MYO5B: variants seen among roughly 807,000 people sequenced by gnomAD.
The protein encoded by MYO5B is myosin VB.
In MYO5B, 143 loss-of-function variants were observed where a neutral mutation model predicts 229.3. The ratio of observed to expected loss-of-function variants is 0.62; its 90% CI spans 0.54 to 0.72. The LOEUF (loss-of-function observed/expected upper bound fraction) is 0.72. MYO5B is among the 30% of genes least tolerant of loss of function. The pLI is 0.00. For synonymous variants in MYO5B, 918 were observed against 885.2 expected, an observed-to-expected ratio of 1.04 and a Z score of -0.66; for missense variants, 2,321 against 2,331.0, an observed-to-expected ratio of 1.00 and a Z score of 0.09.
intron 2 of MYO5B, among the ~76,000 whole-genome samples, chr18:50,043,358 A>T (rs9952599): frequency 5.2e-5 from 6 of 114,518 alleles, no homozygotes; most frequent in African/African-American, 1.8e-4. Context: ...ATATAATATA[A>T]ATATATTATA....
chr18:50,018,733 A>G (rs1370755636), intron 4 of MYO5B, among the ~76,000 whole-genome samples: 2 of 152,098 alleles, frequency 1.3e-5, no homozygotes, highest in African/African-American at 2.4e-5. Context: ...ATCACATCAC[A>G]CTGCTTCTTA....
intron 2 of MYO5B, among the ~76,000 whole-genome samples, chr18:50,045,021 A>C (rs1247555310): frequency 6.6e-6 from 1 of 152,144 alleles, no homozygotes; most frequent in African/African-American, 2.4e-5. Flanking sequence ...GAAAAAGTCC[A>C]TTGTGCATTT....
At chr18:50,071,453 C>T (rs1228229172) in intron 1 of MYO5B, among the ~76,000 whole-genome samples, 3 of 152,188 alleles carry the variant, frequency 2.0e-5, no homozygotes, top group African/African-American at 7.2e-5. Flanking sequence ...TGGACGGACG[C>T]GTGCACACAC....
At chr18:50,025,894 A>G (rs2144365281) in intron 4 of MYO5B, among the ~76,000 whole-genome samples, 1 of 152,354 alleles carries the variant, frequency 6.6e-6, no homozygotes, top group East Asian at 1.9e-4. Flanking sequence ...TTTGACATGC[A>G]TCCCTATCAA....
chr18:49,995,545 A>C (rs1004779800), intron 5 of MYO5B, among the ~76,000 whole-genome samples: 9 of 152,020 alleles, frequency 5.9e-5, no homozygotes, highest in Admixed American at 5.2e-4. Context: ...ATCCTCACTT[A>C]TATCTTTTTA....
chr18:50,035,256 A>G (rs1325346899), intron 4 of MYO5B, among the ~76,000 whole-genome samples: 1 of 152,208 alleles, frequency 6.6e-6, no homozygotes, highest in Non-Finnish European at 1.5e-5. Context: ...AACTTCTGAC[A>G]CACCTAAGTG....
intron 4 of MYO5B, among the ~76,000 whole-genome samples, chr18:50,015,480 A>G (rs375497860): frequency 6.6e-6 from 1 of 152,266 alleles, no homozygotes; most frequent in Admixed American, 6.5e-5. Context: ...AGTAATAGTT[A>G]TAAGAAGTCC....
At chr18:49,967,933 G>A (rs1334551708) in intron 10 of MYO5B, among the ~76,000 whole-genome samples, 1 of 152,140 alleles carries the variant, frequency 6.6e-6, no homozygotes, top group African/African-American at 2.4e-5. Context: ...TTCTTCTTGA[G>A]GACCTAAATC....
At chr18:50,072,794 C>T (rs931158908) in intron 1 of MYO5B, among the ~76,000 whole-genome samples, 1 of 152,014 alleles carries the variant, frequency 6.6e-6, no homozygotes, top group East Asian at 1.9e-4. Context: ...ACCAGCTCAC[C>T]GAGATGCCAA....
chr18:50,094,935 G>A (rs1349740322), intron 1 of MYO5B, among the ~76,000 whole-genome samples: 1 of 152,134 alleles, frequency 6.6e-6, no homozygotes, highest in African/African-American at 2.4e-5. Flanking sequence ...TCAAGTGATT[G>A]TCATGCCTCA....
At chr18:50,010,131 G>T (rs147593733) in intron 4 of MYO5B, among the ~76,000 whole-genome samples, 16 of 152,328 alleles carry the variant, frequency 1.1e-4, no homozygotes, top group African/African-American at 2.4e-4. Flanking sequence ...TGCCTACTTG[G>T]TAAGATGAAA....
intron 22 of MYO5B, among the ~76,000 whole-genome samples, chr18:49,892,819 C>T (rs1485633965): frequency 6.6e-6 from 1 of 152,144 alleles, no homozygotes; most frequent in Admixed American, 6.5e-5. Flanking sequence ...GAGTCATCTC[C>T]TGTTGGTTTC....
intron 10 of MYO5B, among the ~76,000 whole-genome samples, chr18:49,964,615 G>A (rs777395120): frequency 1.3e-5 from 2 of 152,064 alleles, no homozygotes; most frequent in Non-Finnish European, 2.9e-5. Flanking sequence ...TAAAGTCTTT[G>A]GTTCCTTGGA....
At chr18:49,965,359 G>C (rs2025611030) in intron 10 of MYO5B, among the ~76,000 whole-genome samples, 1 of 152,128 alleles carries the variant, frequency 6.6e-6, no homozygotes, top group Admixed American at 6.5e-5. Flanking sequence ...GCATCAGGCT[G>C]AGGGGTGAGA....
intron 1 of MYO5B, among the ~76,000 whole-genome samples, chr18:50,152,818 A>G (rs2032619952): frequency 6.7e-6 from 1 of 149,970 alleles, no homozygotes; most frequent in South Asian, 2.1e-4. Flanking sequence ...CTATGATTGT[A>G]TATTTTTTGG....
intron 22 of MYO5B, among the ~76,000 whole-genome samples, chr18:49,892,332 A>G (rs1042484013): frequency 6.6e-6 from 1 of 152,220 alleles, no homozygotes; most frequent in African/African-American, 2.4e-5. Flanking sequence ...CTCTGTGGAC[A>G]GAGAGATGAA....
chr18:50,101,654 G>A lies in MYO5B; in HGVS notation c.28-46276C>T, dbSNP rs1208475750. Among the ~76,000 whole-genome samples, 5 of 152,040 alleles carry A rather than the reference G, an allele frequency of 3.3e-5. No homozygotes were observed. In the East Asian group the frequency reaches 5.8e-4, roughly 18 times the overall value. On this transcript the variant is annotated intron_variant, in intron 1 of 39. Coordinates refer to ENST00000285039, the MANE Select transcript of MYO5B (RefSeq NM_001080467.3). ...AAACATAAAAAAGGCTCAACATCAC[G>A]GATTAGCGAAATGCAAATCAAAACC...
At chr18:49,948,516 A>C (rs2025399532) in intron 14 of MYO5B, among the ~76,000 whole-genome samples, 1 of 152,244 alleles carries the variant, frequency 6.6e-6, no homozygotes, top group Non-Finnish European at 1.5e-5. Flanking sequence ...TATTGGCAGA[A>C]GCTTTTCAAA....
intron 14 of MYO5B, among the ~76,000 whole-genome samples, chr18:49,945,623 C>T (rs770715496): frequency 6.6e-6 from 1 of 152,164 alleles, no homozygotes. Context: ...CAAACCTTAT[C>T]CAGTAGCCAC....
Sources: gnomAD v4.1 joint callset for allele counts (sites outside exome capture counted in the v4.1 genomes callset) on GRCh38, gnomAD v4.1.1 for gene constraint, MANE v1.5 for transcripts, NCBI Gene and HGNC (gene_info 2026-07-23, HGNC 2026-07-21) for gene names.